The following TM4SF19 variants were observed in gnomAD, a reference collection of about 807,000 sequenced individuals.
TM4SF19 encodes transmembrane 4 L six family member 19, also known as transmembrane 4 L6 family member 19.
In TM4SF19, 17 loss-of-function variants were observed where a neutral mutation model predicts 21.8. The ratio of observed to expected loss-of-function variants is 0.78; its 90% CI spans 0.53 to 1.17. The LOEUF (loss-of-function observed/expected upper bound fraction) is 1.17, where lower values mean the gene tolerates loss of function less well. TM4SF19 is among the 50% of genes most tolerant of loss of function. The pLI is 0.00. For missense variants in TM4SF19, 216 were observed against 252.1 expected (o/e 0.86, Z 0.97); for synonymous variants, 107 against 106.7 (o/e 1.00, Z -0.02).
chr3:196,323,678 C>T lies in TM4SF19; in HGVS notation c.*139G>A, dbSNP rs750665615. 1.4e-5 allele frequency: 21 copies of T among 1,507,466 alleles called. No homozygotes were observed. The South Asian group carries it at 2.3e-4, about 17-fold the overall frequency. The allele number at this position is 1,507,466 out of a possible 1,614,324, so 93.4% of individuals were successfully genotyped here. The stretch of plus-strand genomic sequence containing the variant: ...TGCATTCTATCATTCCACCGACCTG[C>T]AGTGAATTTTGTTGTCATTATTACT... On this transcript the variant is annotated 3_prime_UTR_variant, in exon 5 of 5. Coordinates refer to ENST00000273695, the MANE Select transcript of TM4SF19 (RefSeq NM_138461.4).
At chr3:196,324,550 G>A (rs1220541053) in intron 3 of TM4SF19, 110 bp from the exon 4 acceptor site, 3 of 1,164,806 alleles carry the variant, frequency 2.6e-6, no homozygotes, top group African/African-American at 3.1e-5. Flanking sequence ...AGTCTGTGGG[G>A]CGGTCTGCAC....
rs1443025550 is a variant in TM4SF19 at position 196,323,863 on chromosome 3, A to G, written c.584T>C (p.Val195Ala). Residue 195 changes from valine to alanine, a missense_variant, in exon 5 of 5, where the codon GTC becomes GCC. By Grantham distance (64) the Val-to-Ala change is moderately conservative (BLOSUM62 0). Coordinates refer to ENST00000273695, the MANE Select transcript of TM4SF19 (RefSeq NM_138461.4). ...LLQLLLVVVH[V>A]INSLLGLFCS... ...GAAAAGGCCCAGGAGGCTGTTGATG[A>G]CATGAACGACCACCAGGAGAAGCTG... 1 of 1,614,052 alleles carries G rather than the reference A, an allele frequency of 6.2e-7. No individual in the cohort carries two copies. Among genetic ancestry groups the G allele is most frequent in the African/African-American group, 1.3e-5 (1 of 74,922 alleles).
intron 1 of TM4SF19, among the ~76,000 whole-genome samples, chr3:196,333,482 G>A (rs771042967): frequency 1.3e-4 from 20 of 152,192 alleles, no homozygotes; most frequent in Non-Finnish European, 2.1e-4. Flanking sequence ...TTTTATGTAA[G>A]TTTTTTGAAC....
chr3:196,328,773 A>T (rs1274526745), intron 1 of TM4SF19, among the ~76,000 whole-genome samples: 3 of 152,234 alleles, frequency 2.0e-5, no homozygotes, highest in African/African-American at 7.2e-5. Context: ...AGCAATTGTG[A>T]AGATTAGCCA....
At chr3:196,337,397 C>T (rs1007333916) in intron 1 of TM4SF19, among the ~76,000 whole-genome samples, 1 of 152,090 alleles carries the variant, frequency 6.6e-6, no homozygotes, top group Non-Finnish European at 1.5e-5. Context: ...GTTACACTGT[C>T]TTTCTAAAAT....
intron 2 of TM4SF19, 105 bp from the exon 3 acceptor site, chr3:196,327,137 T>A: frequency 1.1e-6 from 1 of 927,438 alleles, no homozygotes; most frequent in Non-Finnish European, 1.7e-6. Flanking sequence ...ATGAACGCAG[T>A]CCTGTTGACT....
intron 1 of TM4SF19, among the ~76,000 whole-genome samples, chr3:196,334,531 G>C: frequency 6.6e-6 from 1 of 151,778 alleles, no homozygotes; most frequent in East Asian, 1.9e-4. Flanking sequence ...TCAGCTCACT[G>C]CAACCTCCGC....
At chr3:196,333,127 C>T (rs967428841) in intron 1 of TM4SF19, among the ~76,000 whole-genome samples, 1 of 152,170 alleles carries the variant, frequency 6.6e-6, no homozygotes, top group South Asian at 2.1e-4. Flanking sequence ...GGATTACAGG[C>T]GTAAGCCACC....
rs1329430346 is a variant in TM4SF19 at position 196,323,674 on chromosome 3, C to G, written c.*143G>C. On this transcript the variant is annotated 3_prime_UTR_variant, in exon 5 of 5. Transcript: ENST00000273695. ...AAAATGCATTCTATCATTCCACCGACCTGCAGTGAATTTTGTTGTCATTAT... is the reference window on the plus strand; with the variant it reads ...AAAATGCATTCTATCATTCCACCGAGCTGCAGTGAATTTTGTTGTCATTAT... The G allele has an allele frequency of 6.7e-7, 1 of 1,494,580 alleles. No individual in the cohort carries two copies. Among genetic ancestry groups the G allele is most frequent in the Non-Finnish European group, 9.0e-7 (1 of 1,107,316 alleles). The allele number at this position is 1,494,580 out of a possible 1,614,324, so 92.6% of individuals were successfully genotyped here.
chr3:196,327,665 A>G, intron 1 of TM4SF19, 74 bp from the exon 2 acceptor site: 1 of 1,298,684 alleles, frequency 7.7e-7, no homozygotes, highest in Non-Finnish European at 1.1e-6. Context: ...GCAGCATATC[A>G]TGGGTGAGGG....
At position 196,332,427 on chromosome 3, in the gene TM4SF19, AGAGG is replaced by A. The variant is rs376375633; in HGVS notation, c.-1-4840_-1-4837del. ...AAAGAGAGAGAGAGAGAGGAGGGAGAGAGGGAGGGAGGGAGGGAGGAAGGAAGAA... is the reference window on the plus strand; with the variant it reads ...AAAGAGAGAGAGAGAGAGGAGGGAGAGAGGGAGGGAGGGAGGAAGGAAGAA... On this transcript the variant is annotated intron_variant, in intron 1 of 4. Transcript: ENST00000273695. Among the ~76,000 whole-genome samples, 576 of 120,854 alleles carry A rather than the reference AGAGG, an allele frequency of 4.8e-3. 14 individuals are homozygous for A. In the South Asian group the frequency reaches 0.085, roughly 18 times the overall value. The allele number at this position is 120,854 out of a possible 152,430, so 79.3% of individuals were successfully genotyped here. A position where few individuals can be genotyped will look rare whatever the true frequency, so the allele number is the denominator to read the frequency against.
At chr3:196,331,393 G>C (rs956965703) in intron 1 of TM4SF19, among the ~76,000 whole-genome samples, 11 of 151,588 alleles carry the variant, frequency 7.3e-5, no homozygotes, top group African/African-American at 2.2e-4. Context: ...TCCCCAGGAA[G>C]TGGCCTGTTC....
At chr3:196,331,704 T>G (rs1337002285) in intron 1 of TM4SF19, among the ~76,000 whole-genome samples, 3 of 151,262 alleles carry the variant, frequency 2.0e-5, no homozygotes, top group African/African-American at 4.9e-5. Flanking sequence ...GGAGAATCAC[T>G]TGAACCCGGG....
At position 196,334,170 on chromosome 3, in the gene TM4SF19, G is replaced by A. The variant is rs111578204; in HGVS notation, c.-2+4094C>T. On this transcript the variant is annotated intron_variant, in intron 1 of 4. Transcript: ENST00000273695. ...TAAACACAACCAATATCAAACATACGTCATTACCCATCACATCACTGACAC... is the reference window on the plus strand; with the variant it reads ...TAAACACAACCAATATCAAACATACATCATTACCCATCACATCACTGACAC... Among the ~76,000 whole-genome samples the A allele has an allele frequency of 8.7e-4, 133 of 152,184 alleles. 2 individuals carry two copies. Among genetic ancestry groups the A allele is most frequent in the African/African-American group, 3.2e-3 (132 of 41,518 alleles).
chr3:196,332,097 C>T (rs12496368), intron 1 of TM4SF19, among the ~76,000 whole-genome samples: 32,274 of 151,744 alleles, frequency 0.21, 3,549 homozygotes, highest in South Asian at 0.31. Flanking sequence ...GGTGAAACCC[C>T]GTCTCTACTA....
At chr3:196,332,612 T>TACAC (rs145852836) in intron 1 of TM4SF19, among the ~76,000 whole-genome samples, 51 of 148,880 alleles carry the variant, frequency 3.4e-4, no homozygotes, top group African/African-American at 1.1e-3. Flanking sequence ...TGTGTGTACG[T>TACAC]ACACACACAC....
chr3:196,334,626 G>C (rs1560206263), intron 1 of TM4SF19, among the ~76,000 whole-genome samples: 1 of 151,824 alleles, frequency 6.6e-6, no homozygotes, highest in Non-Finnish European at 1.5e-5. Flanking sequence ...GCTAATTTTT[G>C]TATTTTTAGT....
intron 3 of TM4SF19, chr3:196,324,704 G>T: frequency 2.2e-6 from 1 of 458,340 alleles, no homozygotes; most frequent in South Asian, 3.0e-5. Flanking sequence ...CAGAATCGCA[G>T]GCCCCGGATC....
At chr3:196,330,183 AC>A (rs1727453448) in intron 1 of TM4SF19, among the ~76,000 whole-genome samples, 1 of 151,396 alleles carries the variant, frequency 6.6e-6, no homozygotes, top group Non-Finnish European at 1.5e-5. Flanking sequence ...TCACTATGTT[AC>A]CCCAGCTGGT....
Sources: gnomAD v4.1 joint callset for allele counts (sites outside exome capture counted in the v4.1 genomes callset) on GRCh38, gnomAD v4.1.1 for gene constraint, MANE v1.5 for transcripts, NCBI Gene and HGNC (gene_info 2026-07-23, HGNC 2026-07-21) for gene names.